The following DHX35 variants were observed in gnomAD, a reference collection of about 807,000 sequenced individuals.
The protein encoded by DHX35 is probable ATP-dependent RNA helicase DHX35.
Under a neutral mutation model 99.6 loss-of-function variants are expected in DHX35, and 84 were observed. That is an observed-to-expected ratio of 0.84 (90% CI 0.71 to 1.01). DHX35 has a LOEUF of 1.01. DHX35 is among the 50% of genes least tolerant of loss of function. The probability of loss-of-function intolerance (pLI) is 0.00; values close to 1 mark genes in which losing one functional copy is unlikely to be tolerated. For missense variants in DHX35, 852 were observed against 888.5 expected (o/e 0.96, Z 0.52); for synonymous variants, 331 against 316.2 (o/e 1.05, Z -0.50).
chr20:38,965,666 T>G (rs544997849), intron 1 of DHX35, among the ~76,000 whole-genome samples: 2 of 152,302 alleles, frequency 1.3e-5, no homozygotes, highest in African/African-American at 4.8e-5. Flanking sequence ...TGGGAAAATT[T>G]TATGTGTTGT....
At chr20:38,996,019 T>C (rs1000290239) in intron 8 of DHX35, among the ~76,000 whole-genome samples, 1 of 152,184 alleles carries the variant, frequency 6.6e-6, no homozygotes, top group Non-Finnish European at 1.5e-5. Context: ...ACTGGTCTCC[T>C]TGCTGTTCCT....
intron 4 of DHX35, among the ~76,000 whole-genome samples, chr20:38,983,999 T>A (rs951286263): frequency 2.8e-4 from 42 of 152,310 alleles, no homozygotes; most frequent in African/African-American, 9.4e-4. Context: ...AACCTCCGCC[T>A]CCTGGGTTCA....
rs112522101 is a variant in DHX35 at position 38,968,672 on chromosome 20, C to T, written c.41-409C>T. On this transcript the variant is annotated intron_variant, in intron 1 of 21. Coordinates refer to ENST00000252011, the MANE Select transcript of DHX35 (RefSeq NM_021931.4). Reference sequence around the variant, plus strand: ...AAGCAATTCTCCTGCCTCAGCCTCCCGAGTAGCTGGGACTACAGACACACA... The same window carrying T: ...AAGCAATTCTCCTGCCTCAGCCTCCTGAGTAGCTGGGACTACAGACACACA... Among the ~76,000 whole-genome samples, 1,213 of 152,248 alleles carry T rather than the reference C, an allele frequency of 8.0e-3. 18 individuals are homozygous for T. Among genetic ancestry groups the T allele is most frequent in the African/African-American group, 0.026 (1,071 of 41,530 alleles).
Position 39,038,624 on chromosome 20 carries a change from C to A in DHX35, c.*81C>A, listed in dbSNP as rs1336545538. The A allele has an allele frequency of 7.7e-6, 11 of 1,420,368 alleles. No homozygotes were observed. In the Admixed American group the frequency reaches 7.8e-5, roughly 10 times the overall value. 88.0% of individuals were successfully genotyped at this position (1,420,368 alleles called of 1,614,324 possible). A position where few individuals can be genotyped will look rare whatever the true frequency, so the allele number is the denominator to read the frequency against. ...TGCCCCTGGTCCCAGGTGGGGTGAG[C>A]TGGCACCAGCTCCTGTGGAATGTTT... On this transcript the variant is annotated 3_prime_UTR_variant, in exon 22 of 22. Transcript: ENST00000252011.
intron 4 of DHX35, among the ~76,000 whole-genome samples, chr20:38,985,560 A>T (rs1196883723): frequency 6.6e-6 from 1 of 152,100 alleles, no homozygotes; most frequent in Non-Finnish European, 1.5e-5. Context: ...GAAGTTATAC[A>T]GTTTTAGAAG....
At chr20:38,973,774 C>T (rs752406099) in intron 3 of DHX35, among the ~76,000 whole-genome samples, 9 of 152,172 alleles carry the variant, frequency 5.9e-5, no homozygotes, top group African/African-American at 1.4e-4. Context: ...GATATATTGC[C>T]GGTGGCTCCT....
In DHX35 at chr20:39,014,938, T is replaced by C; in HGVS notation, c.1402+4T>C. ...GAGTTACTGTATGCTCTGGGAGGTA[T>C]GCCAGTTTCTCTCATCATTCTCTCT... On this transcript the variant is annotated splice_donor_region_variant and intron_variant, in intron 14 of 21. Coordinates refer to ENST00000252011, the MANE Select transcript of DHX35 (RefSeq NM_021931.4). The C allele has an allele frequency of 2.5e-6, 4 of 1,614,204 alleles. No homozygotes were observed. The highest frequency in any genetic ancestry group is 3.4e-6 in the Non-Finnish European group (4 of 1,180,022).
intron 2 of DHX35, among the ~76,000 whole-genome samples, chr20:38,970,763 C>T (rs1251842902): frequency 6.6e-6 from 1 of 151,072 alleles, no homozygotes; most frequent in Non-Finnish European, 1.5e-5. Context: ...ACTGTTTACT[C>T]AAGTATTTAA....
At position 39,038,529 on chromosome 20, in the gene DHX35, G is replaced by T. The variant is rs373148897; in HGVS notation, c.2098G>T (p.Val700Phe). ...GTCTCTGAAAGCCAAAAGGGCCAAG[G>T]TCCAGGACCCGTGAGAGGAGCCCAC... ...HLSLKAKRAK[V>F]QDP Residue 700 changes from valine to phenylalanine, a missense_variant, in exon 22 of 22, where the codon GTC (valine) becomes TTC (phenylalanine). Coordinates refer to ENST00000252011, the MANE Select transcript of DHX35 (RefSeq NM_021931.4). 3.7e-6 allele frequency: 6 copies of T among 1,612,932 alleles called. No homozygotes were observed. Among genetic ancestry groups the T allele is most frequent in the Admixed American group, 3.3e-5 (2 of 60,000 alleles).
At chr20:38,969,359 C>G (rs2085959586) in intron 2 of DHX35, 145 bp downstream of exon 2, 3 of 1,023,112 alleles carry the variant, frequency 2.9e-6, no homozygotes, top group Non-Finnish European at 4.0e-6. Flanking sequence ...ACTTTTCATA[C>G]TGTGTATTTT....
At chr20:39,026,760 C>G (rs943653743) in intron 18 of DHX35, among the ~76,000 whole-genome samples, 3 of 152,084 alleles carry the variant, frequency 2.0e-5, no homozygotes, top group Non-Finnish European at 2.9e-5. Context: ...GGTGAATACA[C>G]TCACGAGAGA....
At chr20:38,994,540 G>A (rs1354589076) in intron 7 of DHX35, among the ~76,000 whole-genome samples, 2 of 151,048 alleles carry the variant, frequency 1.3e-5, no homozygotes, top group African/African-American at 4.9e-5. Context: ...TCAAATTTGG[G>A]TCTTAAAGCT....
intron 8 of DHX35, among the ~76,000 whole-genome samples, chr20:38,996,762 C>CTG (rs1325655390): frequency 6.6e-6 from 1 of 152,106 alleles, no homozygotes; most frequent in Non-Finnish European, 1.5e-5. Context: ...TTTCCACAGG[C>CTG]TGTAGGAGTC....
At chr20:38,979,100 C>T (rs1262022623) in intron 3 of DHX35, among the ~76,000 whole-genome samples, 4 of 151,638 alleles carry the variant, frequency 2.6e-5, no homozygotes, top group Admixed American at 6.6e-5. Flanking sequence ...AGCTTTGTAA[C>T]GTTTTTTGAA....
At chr20:38,996,582 T>C (rs2086432889) in intron 8 of DHX35, among the ~76,000 whole-genome samples, 1 of 152,184 alleles carries the variant, frequency 6.6e-6, no homozygotes, top group African/African-American at 2.4e-5. Flanking sequence ...AGAGTAGATA[T>C]GGAGTCTCTA....
chr20:39,006,987 C>T (rs2086629207), intron 12 of DHX35, among the ~76,000 whole-genome samples: 1 of 152,236 alleles, frequency 6.6e-6, no homozygotes, highest in Admixed American at 6.5e-5. Context: ...TTTCTCTGCA[C>T]TTCTCTTCTG....
At chr20:39,029,079 C>A (rs2087003070) in intron 19 of DHX35, 2 of 152,740 alleles carry the variant, frequency 1.3e-5, no homozygotes, top group African/African-American at 4.8e-5. Context: ...ATAGCTTAGG[C>A]ATACTGTAGC....
At chr20:39,016,925 A>G (rs1028830073) in intron 14 of DHX35, among the ~76,000 whole-genome samples, 1 of 141,038 alleles carries the variant, frequency 7.1e-6, no homozygotes, top group African/African-American at 2.7e-5. Flanking sequence ...CTGGGCACAT[A>G]TTCTTATCAG....
At chr20:39,030,085 T>G (rs930303942) in intron 19 of DHX35, 2 of 152,096 alleles carry the variant, frequency 1.3e-5, no homozygotes. Flanking sequence ...TTTCAAGCGA[T>G]TCTCCTGCCT....
Sources: gnomAD v4.1 joint callset for allele counts (sites outside exome capture counted in the v4.1 genomes callset) on GRCh38, gnomAD v4.1.1 for gene constraint, MANE v1.5 for transcripts, NCBI Gene and HGNC (gene_info 2026-07-23, HGNC 2026-07-21) for gene names.